Variants in CAPN3 observed in about 807,000 individuals in gnomAD.
The protein encoded by CAPN3 is calpain 3.
Under a neutral mutation model 114.0 loss-of-function variants are expected in CAPN3, and 88 were observed. The ratio of observed to expected loss-of-function variants is 0.77; its 90% CI spans 0.65 to 0.92. The LOEUF (loss-of-function observed/expected upper bound fraction) is 0.92. Among genes scored for constraint, CAPN3 ranks in the 40% least tolerant of loss-of-function variants. The probability of loss-of-function intolerance (pLI) is 0.00; values close to 1 mark genes in which losing one functional copy is unlikely to be tolerated. For missense variants in CAPN3, 1,028 were observed against 1,069.0 expected, an observed-to-expected ratio of 0.96 and a Z score of 0.53; for synonymous variants, 386 against 382.9, an observed-to-expected ratio of 1.01 and a Z score of -0.09.
intron 10 of CAPN3, 56 bp from the exon 11 acceptor site, chr15:42,401,585 C>G (rs913961592): frequency 6.4e-7 from 1 of 1,562,174 alleles, no homozygotes. Context: ...TGTCTCATCC[C>G]CTTCCTGCCC....
intron 1 of CAPN3, among the ~76,000 whole-genome samples, chr15:42,376,198 G>A (rs1376869290): frequency 6.6e-6 from 1 of 152,176 alleles, no homozygotes; most frequent in Non-Finnish European, 1.5e-5. Context: ...TGCTTGTCAG[G>A]TTTCTTTACT....
chr15:42,404,842 G>A (rs1046664861), intron 14 of CAPN3: 1 of 1,072,486 alleles, frequency 9.3e-7, no homozygotes, highest in African/African-American at 1.6e-5. Context: ...ACAGGCGATT[G>A]GTTTTAGTGG....
At chr15:42,379,268 A>G (rs1435712353) in intron 1 of CAPN3, among the ~76,000 whole-genome samples, 1 of 151,964 alleles carries the variant, frequency 6.6e-6, no homozygotes, top group Non-Finnish European at 1.5e-5. Context: ...CCAAGATCGC[A>G]CCACTGCACT....
chr15:42,403,156 A>T (rs1356414629), intron 13 of CAPN3, among the ~76,000 whole-genome samples, 154 bp downstream of exon 13: 1 of 152,156 alleles, frequency 6.6e-6, no homozygotes, highest in Non-Finnish European at 1.5e-5. Context: ...TCATTCATCC[A>T]TTCTGTGATA....
At chr15:42,373,092 C>T (rs1302662052) in intron 1 of CAPN3, among the ~76,000 whole-genome samples, 1 of 151,428 alleles carries the variant, frequency 6.6e-6, no homozygotes, top group Non-Finnish European at 1.5e-5. Flanking sequence ...ATTTGGGAGG[C>T]TGAGGCGGGA....
intron 10 of CAPN3, among the ~76,000 whole-genome samples, chr15:42,399,917 A>C (rs1015747596): frequency 2.0e-5 from 3 of 152,166 alleles, no homozygotes; most frequent in Admixed American, 2.0e-4. Flanking sequence ...CCATCTTTGA[A>C]AATACCCTAA....
chr15:42,395,196 A>G (rs1377870790), intron 8 of CAPN3, among the ~76,000 whole-genome samples: 1 of 152,156 alleles, frequency 6.6e-6, no homozygotes, highest in Non-Finnish European at 1.5e-5. Context: ...CACTGGGGAT[A>G]TTCTGTGAAC....
At chr15:42,408,388 G>C in intron 16 of CAPN3, 64 bp downstream of exon 16, 1 of 990,794 alleles carries the variant, frequency 1.0e-6, no homozygotes, top group Non-Finnish European at 1.6e-6. Context: ...ATGCGCTTGG[G>C]ATACACAGGG....
At chr15:42,399,688 C>G (rs752740189) in intron 10 of CAPN3, 36 bp downstream of exon 10, 1 of 1,547,722 alleles carries the variant, frequency 6.5e-7, no homozygotes, top group Non-Finnish European at 8.8e-7. Context: ...GGGTCTAAGC[C>G]GAAAAAGTTC....
At position 42,388,939 on chromosome 15, in the gene CAPN3, C is replaced by T. The variant is rs1566975550; in HGVS notation, c.644C>T (p.Ser215Phe). ...ATCCTCTCTCTAAGGCTCCATGGTT[C>T]CTACGAAGCTCTGAAAGGTGGGAAC... ...LEKAYAKLHGSYEALKGGNTT... is the reference protein window; with the variant it reads ...LEKAYAKLHGFYEALKGGNTT... The change falls in exon 5 of 24, where the codon TCC becomes TTC. Residue 215 changes from serine to phenylalanine, a missense_variant. Coordinates refer to ENST00000397163, the MANE Select transcript of CAPN3 (RefSeq NM_000070.3). The T allele has an allele frequency of 1.9e-6, 3 of 1,613,914 alleles. No homozygotes were observed. Among genetic ancestry groups the T allele is most frequent in the Non-Finnish European group, 2.5e-6 (3 of 1,179,974 alleles).
chr15:42,369,081 G>C (rs2052865376), intron 1 of CAPN3, among the ~76,000 whole-genome samples: 2 of 152,204 alleles, frequency 1.3e-5, no homozygotes, highest in African/African-American at 4.8e-5. Context: ...TGTATTTAAG[G>C]GTTCAGGGTG....
rs750022600 is a variant in CAPN3, at chr15:42,359,977, G to T, written c.172G>T (p.Glu58Ter). 6.2e-7 allele frequency: 1 copy of T among 1,614,212 alleles called. No homozygotes were observed. The highest frequency in any genetic ancestry group is 1.1e-5 in the South Asian group (1 of 91,084). The change falls in exon 1 of 24, where the codon GAG (glutamate) becomes TAG (stop). Residue 58 changes from glutamate (E) to a stop codon, truncating the protein, a stop_gained. Coordinates refer to ENST00000397163, the MANE Select transcript of CAPN3 (RefSeq NM_000070.3). LOFTEE classifies it high-confidence loss of function. ...CAATTTTCCTATTATCGGAGTGAAA[G>T]AGAAGACATTCGAGCAACTTCACAA... ...SRNFPIIGVK[E>*]KTFEQLHKKC...
At position 42,359,782 on chromosome 15, in the gene CAPN3, C is replaced by T. The variant is rs2052588614; in HGVS notation, c.-24C>T. On this transcript the variant is annotated 5_prime_UTR_variant, in exon 1 of 24. Transcript: ENST00000397163. Reference sequence around the variant, plus strand: ...GCTGTATCTTATTTTCTTTAAAAAGCTTTTTCTTCCAAAGCCACTTGCCAT... The same window carrying T: ...GCTGTATCTTATTTTCTTTAAAAAGTTTTTTCTTCCAAAGCCACTTGCCAT... 6.2e-7 allele frequency: 1 copy of T among 1,612,312 alleles called. No homozygotes were observed. The highest frequency in any genetic ancestry group is 1.3e-5 in the African/African-American group (1 of 74,850).
intron 23 of CAPN3, 54 bp from the exon 24 acceptor site, chr15:42,411,693 G>GT (rs1555423371): frequency 1.1e-5 from 8 of 708,760 alleles, no homozygotes; most frequent in Non-Finnish European, 1.4e-5. Context: ...TAGGGCGGGG[G>GT]GGGGGGGGGT....
At chr15:42,409,137 C>T (rs915856401) in intron 16 of CAPN3, 166 bp from the exon 17 acceptor site, 16 of 677,526 alleles carry the variant, frequency 2.4e-5, no homozygotes, top group African/African-American at 1.6e-4. Flanking sequence ...CCTGAGGCCT[C>T]GATGCATCTC....
chr15:42,384,648 G>A, intron 2 of CAPN3, 96 bp downstream of exon 2: 1 of 934,100 alleles, frequency 1.1e-6, no homozygotes, highest in Non-Finnish European at 1.8e-6. Flanking sequence ...ATCTGTGCTT[G>A]CTTCCAGTAA....
intron 1 of CAPN3, among the ~76,000 whole-genome samples, chr15:42,380,751 A>ATATTTTTTTTTTTTTTT (rs1436943739): frequency 1.6e-5 from 1 of 64,452 alleles, no homozygotes; most frequent in African/African-American, 9.0e-5. Flanking sequence ...ATATATATAT[A>ATATTTTTTTTTTTTTTT]TTTTTTTTTT....
intron 1 of CAPN3, among the ~76,000 whole-genome samples, chr15:42,383,453 G>A (rs2053302436): frequency 6.6e-6 from 1 of 152,010 alleles, no homozygotes; most frequent in African/African-American, 2.4e-5. Context: ...ACCACCCATG[G>A]TGGCACACAT....
Position 42,394,248 on chromosome 15 carries a change from T to C in CAPN3, c.1030-8T>C, listed in dbSNP as rs1396284880. The C allele has an allele frequency of 6.4e-7, 1 of 1,554,266 alleles. No individual in the cohort carries two copies. Among genetic ancestry groups the C allele is most frequent in the South Asian group, 1.2e-5 (1 of 84,222 alleles). On this transcript the variant is annotated splice_polypyrimidine_tract_variant and splice_region_variant and intron_variant, in intron 7 of 23. Coordinates refer to ENST00000397163, the MANE Select transcript of CAPN3 (RefSeq NM_000070.3). ...GCAGAGCATGAGAGCTCTTTCTGTG[T>C]GCTTAAGGTCCCGTTCAAAGGTGAG...
Sources: gnomAD v4.1 joint callset for allele counts (sites outside exome capture counted in the v4.1 genomes callset) on GRCh38, gnomAD v4.1.1 for gene constraint, MANE v1.5 for transcripts, NCBI Gene and HGNC (gene_info 2026-07-23, HGNC 2026-07-21) for gene names.